LRMDA: variants seen among roughly 807,000 people sequenced by gnomAD.
LRMDA encodes leucine-rich melanocyte differentiation-associated protein.
In LRMDA, 18 loss-of-function variants were observed where a neutral mutation model predicts 29.8. That is an observed-to-expected ratio of 0.60 (90% confidence interval 0.42 to 0.90). The LOEUF (loss-of-function observed/expected upper bound fraction) is 0.90, where lower values mean the gene tolerates loss of function less well. LRMDA is among the 40% of genes least tolerant of loss of function. The pLI, the probability that LRMDA is intolerant of heterozygous loss-of-function variation, is 0.00. For missense variants in LRMDA, 273 were observed against 273.9 expected, an observed-to-expected ratio of 1.00 and a Z score of 0.02; for synonymous variants, 125 against 109.4, an observed-to-expected ratio of 1.14 and a Z score of -0.89.
In LRMDA at chr10:76,496,096, A is replaced by G. The variant is rs1263381476; in HGVS notation, c.602-61113A>G. Among the ~76,000 whole-genome samples the G allele has an allele frequency of 5.3e-5, 4 of 75,186 alleles. 2 individuals are homozygous for G. Among genetic ancestry groups the G allele is most frequent in the African/African-American group, 1.3e-4 (4 of 30,820 alleles). 49.3% of individuals were successfully genotyped at this position (75,186 alleles called of 152,430 possible). On this transcript the variant is annotated intron_variant, in intron 6 of 6. Transcript: ENST00000611255. ...ATTTTGCCCCCACTATATAGAGCCA[A>G]TGCCTTTCTGGGTCTTGTACCCAGT...
chr10:75,523,509 T>A (rs193008355), intron 2 of LRMDA, among the ~76,000 whole-genome samples: 46 of 152,334 alleles, frequency 3.0e-4, no homozygotes, highest in Non-Finnish European at 5.3e-4. Context: ...CTGCATTCAC[T>A]TGAAATCCAT....
intron 6 of LRMDA, chr10:76,464,791 C>T (rs1264668706): frequency 1.3e-5 from 2 of 152,178 alleles, no homozygotes; most frequent in African/African-American, 2.4e-5. Flanking sequence ...AAGTTTCCCT[C>T]ATATCTTCAT....
At chr10:76,174,471 T>C (rs1850896517) in intron 5 of LRMDA, among the ~76,000 whole-genome samples, 1 of 152,180 alleles carries the variant, frequency 6.6e-6, no homozygotes, top group South Asian at 2.1e-4. Context: ...GACTACAAAG[T>C]TATTTTAACA....
intron 6 of LRMDA, among the ~76,000 whole-genome samples, chr10:76,372,429 A>G (rs1327863676): frequency 6.6e-6 from 1 of 152,054 alleles, no homozygotes; most frequent in African/African-American, 2.4e-5. Context: ...CTTGGCCAAC[A>G]TGGTGAAACC....
intron 2 of LRMDA, among the ~76,000 whole-genome samples, chr10:75,565,678 G>A (rs1240695552): frequency 6.6e-6 from 1 of 152,196 alleles, no homozygotes; most frequent in Non-Finnish European, 1.5e-5. Flanking sequence ...AATAAATAAA[G>A]TCATGGAAAG....
At chr10:75,760,551 G>A (rs893263526) in intron 2 of LRMDA, among the ~76,000 whole-genome samples, 1 of 152,122 alleles carries the variant, frequency 6.6e-6, no homozygotes, top group Non-Finnish European at 1.5e-5. Context: ...ATTGATATTC[G>A]AATAGTGGCA....
chr10:76,175,638 C>G (rs1434517340), intron 5 of LRMDA, among the ~76,000 whole-genome samples: 1 of 152,158 alleles, frequency 6.6e-6, no homozygotes, highest in Non-Finnish European at 1.5e-5. Context: ...TGCTCAGCCT[C>G]CAGATTTTAT....
intron 5 of LRMDA, among the ~76,000 whole-genome samples, chr10:76,212,734 G>A (rs959294012): frequency 1.3e-5 from 2 of 152,210 alleles, no homozygotes; most frequent in African/African-American, 4.8e-5. Flanking sequence ...ACATTGTGGG[G>A]ACCACTAAGA....
At chr10:76,451,578 T>C (rs1842407273) in intron 6 of LRMDA, among the ~76,000 whole-genome samples, 1 of 152,046 alleles carries the variant, frequency 6.6e-6, no homozygotes, top group African/African-American at 2.4e-5. Context: ...GATATACTTT[T>C]CCATTTTCCT....
intron 2 of LRMDA, among the ~76,000 whole-genome samples, chr10:75,863,070 A>T (rs1844959785): frequency 1.3e-5 from 2 of 152,074 alleles, no homozygotes; most frequent in Admixed American, 1.3e-4. Flanking sequence ...CTGTCCTACC[A>T]TATTGATTTA....
In LRMDA at chr10:76,223,114, T is replaced by G. The variant is rs867899587; in HGVS notation, c.517-101287T>G. Among the ~76,000 whole-genome samples, 443 of 141,532 alleles carry G rather than the reference T, an allele frequency of 3.1e-3. 2 individuals carry two copies. Among genetic ancestry groups the G allele is most frequent in the African/African-American group, 0.011 (418 of 37,440 alleles). 92.9% of individuals were successfully genotyped at this position (141,532 alleles called of 152,430 possible). On this transcript the variant is annotated intron_variant, in intron 5 of 6. Coordinates refer to ENST00000611255, the MANE Select transcript of LRMDA (RefSeq NM_001305581.2). Reference sequence around the variant, plus strand: ...GGGAACATCACACTGTGGGGACTGTTGTGGGGTGGGGGGAGTGGGGAGGGA... The same window carrying G: ...GGGAACATCACACTGTGGGGACTGTGGTGGGGTGGGGGGAGTGGGGAGGGA...
At chr10:75,830,752 C>A (rs1844326743) in intron 2 of LRMDA, among the ~76,000 whole-genome samples, 1 of 152,130 alleles carries the variant, frequency 6.6e-6, no homozygotes, top group Non-Finnish European at 1.5e-5. Context: ...TGCCCCTGGG[C>A]CATCCCAAAT....
chr10:75,940,720 A>G (rs1846375669), intron 2 of LRMDA, among the ~76,000 whole-genome samples: 1 of 152,098 alleles, frequency 6.6e-6, no homozygotes, highest in African/African-American at 2.4e-5. Context: ...TGCTTCATAA[A>G]TATTCATTAA....
intron 6 of LRMDA, among the ~76,000 whole-genome samples, chr10:76,377,683 C>A (rs541367566): frequency 2.0e-5 from 3 of 152,194 alleles, no homozygotes; most frequent in Non-Finnish European, 2.9e-5. Context: ...AGATCAGTTG[C>A]TTGTAGATAT....
At chr10:75,674,337 AGTT>A (rs1841935595) in intron 2 of LRMDA, among the ~76,000 whole-genome samples, 1 of 152,132 alleles carries the variant, frequency 6.6e-6, no homozygotes, top group Admixed American at 6.6e-5. Context: ...CTTTAAATGC[AGTT>A]GTTATTTATA....
At chr10:76,052,338 G>GA (rs1848543217) in intron 4 of LRMDA, among the ~76,000 whole-genome samples, 1 of 152,184 alleles carries the variant, frequency 6.6e-6, no homozygotes, top group African/African-American at 2.4e-5. Context: ...GAGTGTCAGA[G>GA]AAAAAAACAT....
intron 2 of LRMDA, among the ~76,000 whole-genome samples, chr10:75,831,126 A>G (rs750103681): frequency 6.6e-6 from 1 of 152,016 alleles, no homozygotes; most frequent in Non-Finnish European, 1.5e-5. Flanking sequence ...GCTCACTGCA[A>G]GCTCCGCCTC....
intron 6 of LRMDA, among the ~76,000 whole-genome samples, chr10:76,410,302 T>C (rs1277000793): frequency 1.1e-4 from 13 of 123,024 alleles, no homozygotes; most frequent in Admixed American, 1.6e-4. Flanking sequence ...TTCTTTCTTT[T>C]TTTTTTTTTT....
At chr10:76,240,210 C>CCA (rs1418695383) in intron 5 of LRMDA, among the ~76,000 whole-genome samples, 1 of 149,290 alleles carries the variant, frequency 6.7e-6, no homozygotes, top group Non-Finnish European at 1.5e-5. Context: ...CACACACACA[C>CCA]CACACACACA....
Sources: gnomAD v4.1 joint callset for allele counts (sites outside exome capture counted in the v4.1 genomes callset) on GRCh38, gnomAD v4.1.1 for gene constraint, MANE v1.5 for transcripts, NCBI Gene and HGNC (gene_info 2026-07-23, HGNC 2026-07-21) for gene names.